The following ITGA9 variants were observed in gnomAD, a reference collection of about 807,000 sequenced individuals.
The protein encoded by ITGA9 is integrin alpha-9.
In ITGA9, 56 loss-of-function variants were observed where a neutral mutation model predicts 127.8. The observed-to-expected ratio is 0.44, with a 90% CI of 0.35 to 0.55. The LOEUF (loss-of-function observed/expected upper bound fraction) is 0.55, where lower values mean the gene tolerates loss of function less well. ITGA9 is among the 20% of genes least tolerant of loss of function. The probability of loss-of-function intolerance (pLI) is 0.00; values close to 1 mark genes in which losing one functional copy is unlikely to be tolerated. For synonymous variants in ITGA9, 508 were observed against 514.5 expected, an observed-to-expected ratio of 0.99 and a Z score of 0.17; for missense variants, 1,196 against 1,347.1, an observed-to-expected ratio of 0.89 and a Z score of 1.76.
chr3:37,808,924 C>T (rs1178727278), intron 27 of ITGA9: 1 of 152,176 alleles, frequency 6.6e-6, no homozygotes, highest in Non-Finnish European at 1.5e-5. Context: ...TAGCCCACAG[C>T]TGGCATAGCA....
At chr3:37,721,803 C>T (rs1009262805) in intron 18 of ITGA9, among the ~76,000 whole-genome samples, 1 of 152,212 alleles carries the variant, frequency 6.6e-6, no homozygotes, top group Non-Finnish European at 1.5e-5. Flanking sequence ...ATCTGTGCTC[C>T]ACACCTCTTC....
At chr3:37,697,873 T>G (rs1486079133) in intron 18 of ITGA9, among the ~76,000 whole-genome samples, 1 of 152,228 alleles carries the variant, frequency 6.6e-6, no homozygotes, top group Non-Finnish European at 1.5e-5. Flanking sequence ...CTGGGTCAAA[T>G]GGTGTTTCTA....
intron 17 of ITGA9, among the ~76,000 whole-genome samples, chr3:37,677,182 C>T (rs1048474078): frequency 5.3e-5 from 8 of 152,288 alleles, no homozygotes; most frequent in African/African-American, 1.7e-4. Flanking sequence ...TCACTTATTC[C>T]CTGTAGCTTA....
rs149826277 is a variant in ITGA9 at position 37,820,030 on chromosome 3, C to T, written c.*1041C>T. Reference sequence around the variant, plus strand: ...ATTGCAGATTCCTTCCCAGAGAGGACATTTAACCGTTTTAAAAAAAATGTC... The same window carrying T: ...ATTGCAGATTCCTTCCCAGAGAGGATATTTAACCGTTTTAAAAAAAATGTC... On this transcript the variant is annotated 3_prime_UTR_variant, in exon 28 of 28. Coordinates refer to ENST00000264741, the MANE Select transcript of ITGA9 (RefSeq NM_002207.3). 72 of 152,244 alleles carry T rather than the reference C, an allele frequency of 4.7e-4. 2 individuals carry two copies. The highest frequency in any genetic ancestry group is 1.6e-3 in the African/African-American group (68 of 41,532). 9.4% of individuals were successfully genotyped at this position (152,244 alleles called of 1,614,324 possible).
At position 37,615,177 on chromosome 3, in the gene ITGA9, C is replaced by G. The variant is rs1431583526; in HGVS notation, c.1690-14010C>G. Among the ~76,000 whole-genome samples the G allele has an allele frequency of 3.9e-5, 6 of 152,178 alleles. No individual in the cohort carries two copies. The South Asian group carries it at 1.0e-3, about 26-fold the overall frequency. On this transcript the variant is annotated intron_variant, in intron 15 of 27. Transcript: ENST00000264741. The stretch of plus-strand genomic sequence containing the variant: ...TCCATTGAGAGTTTTTAGCATGAAG[C>G]ATTGTTGAATTTTGTCAAAGGCCTT...
rs2125533441 is a variant in ITGA9 at position 37,741,787 on chromosome 3, A to G, written c.2292A>G (p.Pro764=). The change falls in exon 21 of 28, where the codon CCA becomes CCG. Residue 764 remains proline, a synonymous_variant. Coordinates refer to ENST00000264741, the MANE Select transcript of ITGA9 (RefSeq NM_002207.3). ...LHDNTLVLMV[P]LMHEVDTSIT... is the part of the protein sequence containing the mutation. Reference sequence around the variant, plus strand: ...ACAACACCCTCGTGCTGATGGTGCCACTGATGCACGAGGTGGACACGTCCA... The same window carrying G: ...ACAACACCCTCGTGCTGATGGTGCCGCTGATGCACGAGGTGGACACGTCCA... The G allele has an allele frequency of 6.2e-7, 1 of 1,613,756 alleles. No homozygotes were observed. The highest frequency in any genetic ancestry group is 8.5e-7 in the Non-Finnish European group (1 of 1,179,836).
intron 26 of ITGA9, among the ~76,000 whole-genome samples, chr3:37,800,310 T>A (rs1204611425): frequency 6.6e-6 from 1 of 152,168 alleles, no homozygotes; most frequent in Admixed American, 6.5e-5. Context: ...TAGTCAACAA[T>A]AAGGTTTAGC....
rs1344716536 is a variant in ITGA9 at position 37,512,171 on chromosome 3, TTTCTTTTCTTTTCTTTTCTTTTC to T, written c.898-1589_898-1567del. ...TTTCTTTTCTTTTCTTTTCTTTTCT[TTTCTTTTCTTTTCTTTTCTTTTC>T]TTTTCTTTTCTTTTCTTTCTTTCTT... On this transcript the variant is annotated intron_variant, in intron 8 of 27. Coordinates refer to ENST00000264741, the MANE Select transcript of ITGA9 (RefSeq NM_002207.3). Among the ~76,000 whole-genome samples, 26 of 29,128 alleles carry T rather than the reference TTTCTTTTCTTTTCTTTTCTTTTC, an allele frequency of 8.9e-4. 1 individual carries two copies. Among genetic ancestry groups the T allele is most frequent in the African/African-American group, 2.8e-3 (26 of 9,426 alleles). 19.1% of individuals were successfully genotyped at this position (29,128 alleles called of 152,430 possible).
At chr3:37,466,551 G>T (rs1698373760) in intron 1 of ITGA9, among the ~76,000 whole-genome samples, 1 of 149,830 alleles carries the variant, frequency 6.7e-6, no homozygotes, top group Non-Finnish European at 1.5e-5. Context: ...CTGGGGATGG[G>T]ATAGGAGGAG....
intron 7 of ITGA9, 82 bp from the exon 8 acceptor site, chr3:37,508,477 A>G: frequency 4.4e-6 from 5 of 1,147,178 alleles, no homozygotes; most frequent in Non-Finnish European, 6.4e-6. Context: ...AAGCTTTTAA[A>G]TAGGACTCCC....
At chr3:37,460,585 A>G (rs1698305620) in intron 1 of ITGA9, among the ~76,000 whole-genome samples, 1 of 143,224 alleles carries the variant, frequency 7.0e-6, no homozygotes, top group African/African-American at 2.6e-5. Flanking sequence ...GTGTGCCCAA[A>G]TCTTTTTTTT....
rs1373724696 is a variant in ITGA9, at chr3:37,823,495, T to A, written c.*4506T>A. The A allele has an allele frequency of 6.6e-6, 1 of 152,232 alleles. No homozygotes were observed. Among genetic ancestry groups the A allele is most frequent in the Non-Finnish European group, 1.5e-5 (1 of 68,038 alleles). The allele number at this position is 152,232 out of a possible 1,614,324, so 9.4% of individuals were successfully genotyped here. The stretch of plus-strand genomic sequence containing the variant: ...AAACATACATGTTTGGAATAAAAAA[T>A]GGCTGCAAACAATTCAGAAGTTCAA... On this transcript the variant is annotated 3_prime_UTR_variant, in exon 28 of 28. Coordinates refer to ENST00000264741, the MANE Select transcript of ITGA9 (RefSeq NM_002207.3).
intron 18 of ITGA9, among the ~76,000 whole-genome samples, chr3:37,724,654 G>A (rs562040223): frequency 2.2e-4 from 33 of 152,056 alleles, no homozygotes; most frequent in Middle Eastern, 3.4e-3. Context: ...TGCCCACCAC[G>A]CCCAGCTAAT....
chr3:37,598,877 A>G (rs1164542876), intron 15 of ITGA9, among the ~76,000 whole-genome samples: 2 of 152,156 alleles, frequency 1.3e-5, no homozygotes, highest in African/African-American at 4.8e-5. Flanking sequence ...GTTTTAAAGG[A>G]TCCGTGGGTT....
intron 15 of ITGA9, among the ~76,000 whole-genome samples, chr3:37,603,783 G>C (rs1298287291): frequency 1.3e-5 from 2 of 152,212 alleles, no homozygotes; most frequent in African/African-American, 2.4e-5. Flanking sequence ...AAGGAACTGA[G>C]GCTCAGAAAG....
intron 26 of ITGA9, among the ~76,000 whole-genome samples, chr3:37,798,288 A>AT (rs1014117750): frequency 1.3e-5 from 2 of 152,144 alleles, no homozygotes. Flanking sequence ...GCATCTTCTG[A>AT]TTTTTTAACT....
intron 17 of ITGA9, among the ~76,000 whole-genome samples, chr3:37,669,909 G>A (rs1700621263): frequency 6.6e-6 from 1 of 152,086 alleles, no homozygotes; most frequent in African/African-American, 2.4e-5. Flanking sequence ...TTACTGGTGG[G>A]GAACTGAAGA....
rs972463783 is a variant in ITGA9 at position 37,795,233 on chromosome 3, G to A, written c.2890-8590G>A. Among the ~76,000 whole-genome samples, 5 of 152,220 alleles carry A rather than the reference G, an allele frequency of 3.3e-5. No individual in the cohort carries two copies. In the South Asian group the frequency reaches 8.3e-4, roughly 25 times the overall value. On this transcript the variant is annotated intron_variant, in intron 26 of 27. Transcript: ENST00000264741. Reference sequence around the variant, plus strand: ...AACCTCCTCTTGGATGGTATTGACCGAGCTGTCCCTCCGTCTCTGGAAGCC... The same window carrying A: ...AACCTCCTCTTGGATGGTATTGACCAAGCTGTCCCTCCGTCTCTGGAAGCC...
At chr3:37,805,403 G>C (rs1237219622) in intron 27 of ITGA9, among the ~76,000 whole-genome samples, 1 of 152,072 alleles carries the variant, frequency 6.6e-6, no homozygotes, top group Admixed American at 6.6e-5. Context: ...CCTGAAGACA[G>C]TACTGTGAAC....
Sources: gnomAD v4.1 joint callset for allele counts (sites outside exome capture counted in the v4.1 genomes callset) on GRCh38, gnomAD v4.1.1 for gene constraint, MANE v1.5 for transcripts, NCBI Gene and HGNC (gene_info 2026-07-23, HGNC 2026-07-21) for gene names.